The following RP1 variants were observed in gnomAD, a reference collection of about 807,000 sequenced individuals.
RP1 encodes RP1 axonemal microtubule associated.
Under a neutral mutation model 14.8 loss-of-function variants are expected in RP1, and 16 were observed. The observed-to-expected ratio is 1.08, with a 90% confidence interval of 0.73 to 1.65. RP1 has a LOEUF of 1.65. Among genes scored for constraint, RP1 ranks in the 40% most tolerant of loss-of-function variants. The pLI, the probability that RP1 is intolerant of heterozygous loss-of-function variation, is 0.00. For synonymous variants in RP1, 876 were observed against 883.6 expected (o/e 0.99, Z 0.15); for missense variants, 2,631 against 2,535.0 (o/e 1.04, Z -0.81).
chr8:54,645,244 T>A (rs1806521663), intron 3 of RP1, among the ~76,000 whole-genome samples: 1 of 152,220 alleles, frequency 6.6e-6, no homozygotes, highest in African/African-American at 2.4e-5. Flanking sequence ...GGTAGTTTAC[T>A]ACAATGGAAT....
intron 24 of RP1, among the ~76,000 whole-genome samples, chr8:54,788,149 G>A (rs908433668): frequency 6.6e-6 from 1 of 152,210 alleles, no homozygotes; most frequent in African/African-American, 2.4e-5. Context: ...AAGGCAGCTT[G>A]GCAGATGGCT....
At chr8:54,780,985 A>G in intron 23 of RP1, 1 of 981,604 alleles carries the variant, frequency 1.0e-6, no homozygotes, top group Non-Finnish European at 1.2e-6. Context: ...AGAAATCCGA[A>G]TTTATTAAGG....
intron 1 of RP1, among the ~76,000 whole-genome samples, chr8:54,571,796 C>A (rs552076840): frequency 3.9e-5 from 6 of 152,018 alleles, no homozygotes; most frequent in Non-Finnish European, 7.4e-5. Flanking sequence ...GGTTTGCTGG[C>A]CTTTTTTTTA....
intron 1 of RP1, among the ~76,000 whole-genome samples, chr8:54,596,165 C>T (rs1419475863): frequency 6.6e-6 from 1 of 152,206 alleles, no homozygotes; most frequent in Admixed American, 6.5e-5. Context: ...TTGTCCTATG[C>T]ATTAATCAGG....
At chr8:54,863,789 C>G (rs964262107) in intron 27 of RP1, among the ~76,000 whole-genome samples, 5 of 152,202 alleles carry the variant, frequency 3.3e-5, no homozygotes, top group African/African-American at 1.2e-4. Context: ...TGCATAAGTA[C>G]AAACTTTGCT....
At chr8:54,783,379 T>A (rs1474434487) in intron 23 of RP1, among the ~76,000 whole-genome samples, 1 of 152,244 alleles carries the variant, frequency 6.6e-6, no homozygotes, top group Non-Finnish European at 1.5e-5. Flanking sequence ...AAAACTTTTT[T>A]ATATGCTAGC....
chr8:54,780,924 T>A, intron 23 of RP1: 1 of 985,254 alleles, frequency 1.0e-6, no homozygotes, highest in Non-Finnish European at 1.2e-6. Context: ...GAGCACATAC[T>A]TCTCATTGTA....
At chr8:54,816,828 C>T (rs1360286713) in intron 24 of RP1, among the ~76,000 whole-genome samples, 1 of 152,168 alleles carries the variant, frequency 6.6e-6, no homozygotes, top group Non-Finnish European at 1.5e-5. Context: ...TTCTGTGCTT[C>T]CCCCAGGTCC....
intron 24 of RP1, among the ~76,000 whole-genome samples, chr8:54,784,524 T>C (rs916246279): frequency 5.3e-5 from 8 of 152,146 alleles, no homozygotes; most frequent in Non-Finnish European, 1.2e-4. Context: ...GCAATGAACA[T>C]AGTTTTAACC....
At chr8:54,692,768 G>T (rs1448191618) in intron 12 of RP1, among the ~76,000 whole-genome samples, 1 of 150,556 alleles carries the variant, frequency 6.6e-6, no homozygotes, top group Admixed American at 6.6e-5. Context: ...TCTGTAGGTT[G>T]CCTGTTCACT....
chr8:54,601,840 A>ATTT (rs1426930110), intron 1 of RP1, among the ~76,000 whole-genome samples: 1 of 152,254 alleles, frequency 6.6e-6, no homozygotes, highest in Non-Finnish European at 1.5e-5. Flanking sequence ...AAAAGATCAC[A>ATTT]TATGGCATGA....
chr8:54,618,233 G>A (rs1805770130), intron 1 of RP1, among the ~76,000 whole-genome samples: 1 of 152,142 alleles, frequency 6.6e-6, no homozygotes, highest in Non-Finnish European at 1.5e-5. Flanking sequence ...TGCCCTTCAT[G>A]CACTGGGCTC....
intron 3 of RP1, among the ~76,000 whole-genome samples, chr8:54,637,100 G>A (rs1806363854): frequency 6.6e-6 from 1 of 152,170 alleles, no homozygotes; most frequent in Non-Finnish European, 1.5e-5. Flanking sequence ...CCTTCAGCAG[G>A]TTGATGTTGA....
rs114098222 is a variant in RP1, at chr8:54,697,041, G to A, written c.1718-2426G>A. On this transcript the variant is annotated intron_variant, in intron 12 of 22. Coordinates refer to the RP1 transcript ENST00000636932. ...CACCCTTTCCACCTTTCAGTGGCCC[G>A]TCACGCTACCAAAAATAGAGTGGGC... The A allele has an allele frequency of 2.1e-3, 3,244 of 1,533,866 alleles. 55 individuals are homozygous for A. The African/African-American group carries it at 0.037, about 18-fold the overall frequency.
At chr8:54,863,906 G>A (rs1332144551) in intron 27 of RP1, among the ~76,000 whole-genome samples, 1 of 152,144 alleles carries the variant, frequency 6.6e-6, no homozygotes, top group Non-Finnish European at 1.5e-5. Flanking sequence ...GCTGGGTCAT[G>A]GTGCATTTCT....
At chr8:54,869,225 C>G (rs912929851) in intron 28 of RP1, among the ~76,000 whole-genome samples, 1 of 152,082 alleles carries the variant, frequency 6.6e-6, no homozygotes. Context: ...ACTGTACTGT[C>G]TCACATGGGA....
At chr8:54,565,719 G>C (rs1056488041) in intron 1 of RP1, among the ~76,000 whole-genome samples, 3 of 152,148 alleles carry the variant, frequency 2.0e-5, no homozygotes, top group Admixed American at 1.3e-4. Flanking sequence ...GGATTGGGGG[G>C]ATCTGGGTTC....
intron 12 of RP1, among the ~76,000 whole-genome samples, chr8:54,686,542 A>G (rs1807566950): frequency 6.6e-6 from 1 of 152,154 alleles, no homozygotes; most frequent in South Asian, 2.1e-4. Flanking sequence ...AAGCAGACAC[A>G]CAGCATGAGA....
intron 22 of RP1, among the ~76,000 whole-genome samples, chr8:54,761,823 A>G (rs1809647179): frequency 6.6e-6 from 1 of 152,180 alleles, no homozygotes; most frequent in African/African-American, 2.4e-5. Flanking sequence ...TCTATTATGT[A>G]GCTATACAGA....
Sources: gnomAD v4.1 joint callset for allele counts (sites outside exome capture counted in the v4.1 genomes callset) on GRCh38, gnomAD v4.1.1 for gene constraint, MANE v1.5 for transcripts, NCBI Gene and HGNC (gene_info 2026-07-23, HGNC 2026-07-21) for gene names.